The following MAMLD1 variants were observed in gnomAD, a reference collection of about 807,000 sequenced individuals.
MAMLD1 encodes the protein mastermind like domain containing 1.
MAMLD1 carries 14 observed loss-of-function variants against 45.0 expected under a neutral mutation model. The observed-to-expected ratio is 0.31, with a 90% CI of 0.21 to 0.49. The LOEUF is 0.49. MAMLD1 is among the 20% of genes least tolerant of loss of function. MAMLD1 has a pLI of 0.99. For synonymous variants in MAMLD1, 254 were observed against 247.8 expected, an observed-to-expected ratio of 1.02 and a Z score of -0.24; for missense variants, 543 against 603.6, an observed-to-expected ratio of 0.90 and a Z score of 1.05.
In MAMLD1 at chrX:150,400,383, T is replaced by C. The variant is rs189173646; in HGVS notation, c.-64+36853T>C. 5.0e-3 allele frequency among the ~76,000 whole-genome samples: 562 copies of C among 112,221 alleles called. 2 individuals are homozygous for C. Among genetic ancestry groups the C allele is most frequent in the African/African-American group, 0.018 (543 of 30,883 alleles). ...CTGAGACAATGGGGTTTTCTAGATATACAATCATATCGTCTGCAAACAGGG... is the reference window on the plus strand; with the variant it reads ...CTGAGACAATGGGGTTTTCTAGATACACAATCATATCGTCTGCAAACAGGG... On this transcript the variant is annotated intron_variant, in intron 1 of 7. Coordinates refer to ENST00000370401, the MANE Select transcript of MAMLD1 (RefSeq NM_005491.5).
intron 5 of MAMLD1, among the ~76,000 whole-genome samples, chrX:150,484,211 C>T (rs1165200602): frequency 8.9e-6 from 1 of 112,817 alleles, no homozygotes; most frequent in African/African-American, 3.2e-5. Flanking sequence ...TTTACTAGTT[C>T]ATAAGCACAG....
intron 5 of MAMLD1, among the ~76,000 whole-genome samples, chrX:150,493,415 T>A (rs2037251421): frequency 8.9e-6 from 1 of 112,400 alleles, no homozygotes; most frequent in Admixed American, 9.4e-5. Context: ...AGCACCATAT[T>A]TTCTACTTAT....
chrX:150,370,619 C>T (rs190072929), intron 1 of MAMLD1, among the ~76,000 whole-genome samples: 1 of 111,120 alleles, frequency 9.0e-6, no homozygotes, highest in African/African-American at 3.3e-5. Flanking sequence ...GCTGCTGAAG[C>T]CCCAAGAGCA....
At chrX:150,445,672 C>A in intron 2 of MAMLD1, 60 bp downstream of exon 2, 2 of 880,514 alleles carry the variant, frequency 2.3e-6, no homozygotes, top group East Asian at 3.2e-5. Context: ...TAAACTTGAA[C>A]GTAAGATGTG....
intron 1 of MAMLD1, among the ~76,000 whole-genome samples, chrX:150,370,656 CA>C (rs1361755127): frequency 1.2e-4 from 13 of 111,610 alleles, no homozygotes; most frequent in South Asian, 3.8e-4. Context: ...GAGACAGAAG[CA>C]AAAGAGTTGG....
intron 1 of MAMLD1, among the ~76,000 whole-genome samples, chrX:150,377,126 T>C (rs1569564390): frequency 8.8e-6 from 1 of 113,252 alleles, no homozygotes; most frequent in Non-Finnish European, 1.9e-5. Context: ...CCCAGCTACC[T>C]CTTGTCTAGT....
intron 1 of MAMLD1, among the ~76,000 whole-genome samples, chrX:150,401,730 T>C (rs1267865708): frequency 1.8e-5 from 2 of 111,424 alleles, no homozygotes; most frequent in South Asian, 3.8e-4. Flanking sequence ...GAGATATAGA[T>C]CAATGGAACA....
intron 5 of MAMLD1, 99 bp downstream of exon 5, chrX:150,473,901 T>C (rs2036506644): frequency 1.1e-6 from 1 of 922,183 alleles, no homozygotes; most frequent in Non-Finnish European, 1.6e-6. Flanking sequence ...GGGAGAATTC[T>C]TAATTATTGG....
At chrX:150,432,934 T>C (rs782654116) in intron 1 of MAMLD1, among the ~76,000 whole-genome samples, 10 of 112,087 alleles carry the variant, frequency 8.9e-5, no homozygotes, top group Non-Finnish European at 1.3e-4. Context: ...TATTTTTTTT[T>C]CTAATTCTCT....
chrX:150,434,308 A>G (rs1260214644), intron 1 of MAMLD1, among the ~76,000 whole-genome samples: 2 of 109,413 alleles, frequency 1.8e-5, no homozygotes, highest in Admixed American at 2.0e-4. Context: ...TTCTTTATTA[A>G]TCTATCTAGT....
chrX:150,370,697 C>G (rs1378756122), intron 1 of MAMLD1, among the ~76,000 whole-genome samples: 1 of 111,943 alleles, frequency 8.9e-6, no homozygotes, highest in South Asian at 3.8e-4. Flanking sequence ...TCCACCCCCC[C>G]AGCTCTGGTT....
In MAMLD1 at chrX:150,470,934, C is replaced by T. The variant is rs782001410; in HGVS notation, c.1361C>T (p.Pro454Leu). The T allele has an allele frequency of 6.6e-6, 8 of 1,211,735 alleles. No homozygotes were observed. The highest frequency in any genetic ancestry group is 4.3e-5 in the Admixed American group (2 of 46,044). Residue 454 changes from proline (P) to leucine (L), a missense_variant, in exon 4 of 8, where the codon CCG (proline) becomes CTG (leucine). By Grantham distance (98) the Pro-to-Leu change is moderately conservative. Transcript: ENST00000370401. ...GCTCTGCCTGCCAGCAACCCTGGGCCGTCCCCACCCTATCGCCCAGAGAAG... is the reference window on the plus strand; with the variant it reads ...GCTCTGCCTGCCAGCAACCCTGGGCTGTCCCCACCCTATCGCCCAGAGAAG... Reference protein sequence around the residue: ...MSALPASNPGPSPPYRPEKLS... With the variant: ...MSALPASNPGLSPPYRPEKLS...
chrX:150,495,330 G>A (rs2037345009), intron 5 of MAMLD1, among the ~76,000 whole-genome samples: 1 of 112,820 alleles, frequency 8.9e-6, no homozygotes, highest in Admixed American at 9.3e-5. Context: ...CAGAAGAAGA[G>A]AGGTTGACCT....
intron 1 of MAMLD1, among the ~76,000 whole-genome samples, chrX:150,385,208 C>T (rs941346476): frequency 9.1e-6 from 1 of 110,162 alleles, no homozygotes; most frequent in Non-Finnish European, 1.9e-5. Flanking sequence ...CTTATTTCCA[C>T]TTCAGGTCAT....
At chrX:150,398,317 GAAGA>G (rs2033566626) in intron 1 of MAMLD1, among the ~76,000 whole-genome samples, 1 of 97,421 alleles carries the variant, frequency 1.0e-5, no homozygotes. Flanking sequence ...AGAAGAAGAA[GAAGA>G]AGAAGAAGAA....
At chrX:150,416,314 T>A (rs1221788891) in intron 1 of MAMLD1, among the ~76,000 whole-genome samples, 3 of 111,757 alleles carry the variant, frequency 2.7e-5, no homozygotes, top group African/African-American at 6.5e-5. Context: ...ACAATGGAAC[T>A]TTGTGTTTGA....
At position 150,363,461 on chromosome X, in the gene MAMLD1, A is replaced by T. The variant is rs2031130910; in HGVS notation, c.-133A>T. On this transcript the variant is annotated 5_prime_UTR_variant, in exon 1 of 8. Transcript: ENST00000370401. ...GGTTCCTTGGCGGCCGCCTGAGTCC[A>T]GGCTGCCCGCGCCGGCGGCCGCCCG... is the stretch of plus-strand genomic sequence containing the variant. The T allele has an allele frequency of 9.7e-6, 1 of 102,872 alleles. No homozygotes were observed. Among genetic ancestry groups the T allele is most frequent in the African/African-American group, 3.7e-5 (1 of 27,082 alleles). The allele number at this position is 102,872 out of a possible 1,213,427, so 8.5% of individuals were successfully genotyped here.
chrX:150,367,778 C>A (rs1557400816), intron 1 of MAMLD1, among the ~76,000 whole-genome samples: 1 of 103,195 alleles, frequency 9.7e-6, no homozygotes, highest in African/African-American at 3.6e-5. Flanking sequence ...TCTCATTGTT[C>A]AATTCCCACC....
intron 1 of MAMLD1, among the ~76,000 whole-genome samples, chrX:150,402,757 T>A (rs1421609998): frequency 5.4e-5 from 6 of 111,636 alleles, no homozygotes; most frequent in Non-Finnish European, 7.5e-5. Context: ...CAATGATGAG[T>A]TCATGTCCTT....
Sources: gnomAD v4.1 joint callset for allele counts (sites outside exome capture counted in the v4.1 genomes callset) on GRCh38, gnomAD v4.1.1 for gene constraint, MANE v1.5 for transcripts, NCBI Gene and HGNC (gene_info 2026-07-23, HGNC 2026-07-21) for gene names.